The following NRXN3 variants were observed in gnomAD, a reference collection of about 807,000 sequenced individuals.
NRXN3 encodes neurexin 3, also known as neurexin III.
In NRXN3, 32 loss-of-function variants were observed where a neutral mutation model predicts 137.6. That is an observed-to-expected ratio of 0.23 (90% CI 0.18 to 0.31). The LOEUF (loss-of-function observed/expected upper bound fraction) is 0.31. NRXN3 is among the 10% of genes least tolerant of loss of function. NRXN3 has a pLI of 1.00. For missense variants in NRXN3, 1,574 were observed against 2,062.5 expected (o/e 0.76, Z 4.59); for synonymous variants, 798 against 784.5 (o/e 1.02, Z -0.29).
intron 16 of NRXN3, among the ~76,000 whole-genome samples, chr14:79,505,652 T>C (rs1221160412): frequency 6.6e-6 from 1 of 152,214 alleles, no homozygotes; most frequent in Non-Finnish European, 1.5e-5. Flanking sequence ...GTTATCAAAG[T>C]CATTTTTAGT....
intron 8 of NRXN3, among the ~76,000 whole-genome samples, chr14:78,795,946 C>T (rs1241148273): frequency 1.3e-5 from 2 of 152,200 alleles, no homozygotes; most frequent in Non-Finnish European, 2.9e-5. Context: ...TCCGCTAGCT[C>T]ACCCCTGCTC....
rs1567115400 is a variant in NRXN3 at position 78,709,528 on chromosome 14, A to T, written c.1533A>T (p.Glu511Asp). 4.3e-6 allele frequency: 7 copies of T among 1,613,742 alleles called. No homozygotes were observed. The highest frequency in any genetic ancestry group is 5.9e-6 in the Non-Finnish European group (7 of 1,179,942). The change falls in exon 7 of 21, where the codon GAA (glutamate) becomes GAT (aspartate). Residue 511 changes from glutamate (E) to aspartate (D), a missense_variant. Coordinates refer to ENST00000335750, the MANE Select transcript of NRXN3 (RefSeq NM_001330195.2). ...KNTKVDFFAV[E>D]LLDGNLYLLL... The stretch of plus-strand genomic sequence containing the variant: ...CAAAAGTAGACTTCTTTGCCGTGGA[A>T]CTCCTCGATGGCAACCTGTACTTGC...
intron 15 of NRXN3, among the ~76,000 whole-genome samples, chr14:79,024,776 T>C (rs533680688): frequency 1.0e-3 from 157 of 152,170 alleles, no homozygotes; most frequent in Non-Finnish European, 1.7e-3. Context: ...TCCCAAAATA[T>C]TATTCTCATC....
At chr14:79,192,357 A>G (rs192646108) in intron 15 of NRXN3, among the ~76,000 whole-genome samples, 71 of 152,314 alleles carry the variant, frequency 4.7e-4, no homozygotes, top group African/African-American at 1.5e-3. Flanking sequence ...TATTCAACCT[A>G]TAGTCAATCA....
intron 1 of NRXN3, among the ~76,000 whole-genome samples, chr14:78,200,025 C>T (rs2061541453): frequency 1.3e-5 from 2 of 152,166 alleles, no homozygotes; most frequent in South Asian, 4.1e-4. Flanking sequence ...TTTAGGGTCC[C>T]TCTCACCAGA....
In NRXN3 at chr14:78,803,638, A is replaced by G. The variant is rs2098846220; in HGVS notation, c.2063A>G (p.Tyr688Cys). The change falls in exon 9 of 21, where the codon TAT becomes TGT. Residue 688 changes from tyrosine to cysteine, a missense_variant. By Grantham distance (194) the Tyr-to-Cys change is radical. Coordinates refer to ENST00000335750, the MANE Select transcript of NRXN3 (RefSeq NM_001330195.2). ...TCEREASILS[Y>C]DGSMYMKIIM... is the part of the protein sequence containing the mutation. ...TTGGCAGAGGCATCCATCCTGAGCT[A>G]TGATGGTAGCATGTACATGAAGATC... 6.2e-7 allele frequency: 1 copy of G among 1,614,034 alleles called. No homozygotes were observed. Among genetic ancestry groups the G allele is most frequent in the Non-Finnish European group, 8.5e-7 (1 of 1,179,994 alleles).
rs57745190 is a variant in NRXN3 at position 78,613,578 on chromosome 14, GTTTTTTTTTTTTTTT to G, written c.758-31531_758-31517del. The stretch of plus-strand genomic sequence containing the variant: ...AGGAGAAAACTGTCTCACAACCATA[GTTTTTTTTTTTTTTT>G]TTTTTTTTTTCCCTTGGAAAGGAAT... On this transcript the variant is annotated intron_variant, in intron 4 of 20. Coordinates refer to ENST00000335750, the MANE Select transcript of NRXN3 (RefSeq NM_001330195.2). Among the ~76,000 whole-genome samples the G allele has an allele frequency of 3.2e-5, 3 of 95,108 alleles. 1 individual carries two copies. Among genetic ancestry groups the G allele is most frequent in the African/African-American group, 1.4e-4 (3 of 21,710 alleles). 62.4% of individuals were successfully genotyped at this position (95,108 alleles called of 152,430 possible). A position where few individuals can be genotyped will look rare whatever the true frequency, so the allele number is the denominator to read the frequency against.
intron 4 of NRXN3, among the ~76,000 whole-genome samples, chr14:78,598,857 A>G (rs1174716626): frequency 2.6e-5 from 4 of 152,158 alleles, no homozygotes; most frequent in Non-Finnish European, 4.4e-5. Context: ...GAGTTCTCAG[A>G]TAAACTGGAA....
chr14:78,430,233 G>A (rs1350327130), intron 4 of NRXN3, among the ~76,000 whole-genome samples: 2 of 152,182 alleles, frequency 1.3e-5, no homozygotes, highest in African/African-American at 4.8e-5. Flanking sequence ...GCAACACCCT[G>A]TCTCAATTTT....
chr14:78,643,930 C>A (rs1359332218), intron 4 of NRXN3, among the ~76,000 whole-genome samples: 2 of 152,158 alleles, frequency 1.3e-5, no homozygotes, highest in African/African-American at 4.8e-5. Context: ...ATCACAAAGT[C>A]AAGAGATTGA....
chr14:79,302,554 G>A (rs74766097), intron 15 of NRXN3, among the ~76,000 whole-genome samples: 2,167 of 152,034 alleles, frequency 0.014, 61 homozygotes, highest in African/African-American at 0.049. Flanking sequence ...GCATGATATG[G>A]TTCGACTCTG....
chr14:78,259,914 G>A (rs1009736638), intron 2 of NRXN3, among the ~76,000 whole-genome samples: 8 of 152,148 alleles, frequency 5.3e-5, no homozygotes, highest in East Asian at 1.9e-4. Context: ...GAGGGGCAAC[G>A]CCTTCATTTT....
intron 15 of NRXN3, among the ~76,000 whole-genome samples, chr14:79,428,585 ATATAT>A (rs1199998476): frequency 2.0e-5 from 3 of 152,216 alleles, no homozygotes; most frequent in South Asian, 2.1e-4. Context: ...TTTTTCTTAC[ATATAT>A]TATATATACA....
At chr14:79,743,732 T>G (rs1220957683) in intron 19 of NRXN3, among the ~76,000 whole-genome samples, 39 of 152,110 alleles carry the variant, frequency 2.6e-4, no homozygotes, top group Admixed American at 2.4e-3. Context: ...CATGAGCAAC[T>G]GGAGATTTAG....
At chr14:78,713,892 G>T (rs970112731) in intron 7 of NRXN3, among the ~76,000 whole-genome samples, 1 of 152,162 alleles carries the variant, frequency 6.6e-6, no homozygotes, top group Admixed American at 6.5e-5. Flanking sequence ...AACATGCAGG[G>T]ATTATGGGAA....
intron 15 of NRXN3, among the ~76,000 whole-genome samples, chr14:79,009,136 T>C (rs1268655585): frequency 6.6e-6 from 1 of 152,190 alleles, no homozygotes; most frequent in Admixed American, 6.5e-5. Flanking sequence ...TAAACACCTA[T>C]TGAGTATGAA....
chr14:78,901,026 C>T (rs2099194303), intron 10 of NRXN3, among the ~76,000 whole-genome samples: 2 of 151,992 alleles, frequency 1.3e-5, no homozygotes, highest in Non-Finnish European at 2.9e-5. Context: ...GCTCTTTTCC[C>T]TATAAGCTAG....
chr14:78,976,885 G>T (rs2099469002), intron 14 of NRXN3, among the ~76,000 whole-genome samples: 1 of 152,166 alleles, frequency 6.6e-6, no homozygotes, highest in East Asian at 1.9e-4. Flanking sequence ...AATTGCTGAT[G>T]ATCTTTATTG....
chr14:79,534,121 C>T lies in NRXN3; in HGVS notation c.3444+66719C>T, dbSNP rs746206016. 1.2e-4 allele frequency among the ~76,000 whole-genome samples: 19 copies of T among 152,214 alleles called. 1 individual carries two copies. In the Middle Eastern group the frequency reaches 0.014, roughly 109 times the overall value. On this transcript the variant is annotated intron_variant, in intron 16 of 20. Coordinates refer to ENST00000335750, the MANE Select transcript of NRXN3 (RefSeq NM_001330195.2). ...GTGGCCTGTTGGAGCTGGAAAAGAG[C>T]TTAGAGATTGTTCTAGTACAGTTGT...
Sources: allele counts gnomAD v4.1 joint callset (sites outside exome capture counted in the v4.1 genomes callset), GRCh38; gene constraint gnomAD v4.1.1; transcripts MANE v1.5; gene names NCBI Gene and HGNC (gene_info 2026-07-23, HGNC 2026-07-21).